The following KLF13 variants were observed in gnomAD, a reference collection of about 807,000 sequenced individuals.
The protein encoded by KLF13 is Krueppel-like factor 13.
Under a neutral mutation model 16.7 loss-of-function variants are expected in KLF13, and 8 were observed. The ratio of observed to expected loss-of-function variants is 0.48; its 90% CI spans 0.28 to 0.87. The LOEUF (loss-of-function observed/expected upper bound fraction) is 0.87. Among genes scored for constraint, KLF13 ranks in the 40% least tolerant of loss-of-function variants. The probability of loss-of-function intolerance (pLI) is 0.10; values close to 1 mark genes in which losing one functional copy is unlikely to be tolerated. For missense variants in KLF13, 447 were observed against 452.2 expected (o/e 0.99, Z 0.10); for synonymous variants, 245 against 208.4 (o/e 1.18, Z -1.51).
At chr15:31,432,342 C>T (rs1181369759) in intron 1 of KLF13, among the ~76,000 whole-genome samples, 1 of 152,070 alleles carries the variant, frequency 6.6e-6, no homozygotes, top group Non-Finnish European at 1.5e-5. Flanking sequence ...CGGGCCACAC[C>T]TTCTCCTATA....
chr15:31,401,333 C>G (rs1450061917), intron 2 of KLF13, among the ~76,000 whole-genome samples: 5 of 152,250 alleles, frequency 3.3e-5, no homozygotes, highest in African/African-American at 1.2e-4. Flanking sequence ...AAGTTACGCT[C>G]TTTTCACGAA....
At chr15:31,427,004 A>C (rs7166114) in intron 1 of KLF13, among the ~76,000 whole-genome samples, 1 of 152,234 alleles carries the variant, frequency 6.6e-6, no homozygotes, top group African/African-American at 2.4e-5. Context: ...GGTCCCCTGG[A>C]TTCTCAGGCC....
intron 1 of KLF13, among the ~76,000 whole-genome samples, chr15:31,414,759 A>C (rs2040235929): frequency 6.6e-6 from 1 of 152,234 alleles, no homozygotes; most frequent in South Asian, 2.1e-4. Flanking sequence ...TAGACATTTC[A>C]ATATCCTCTC....
At chr15:31,435,458 A>G (rs1026234448) in exon 2 of KLF13, 2 of 152,152 alleles carry the variant, frequency 1.3e-5, no homozygotes, top group African/African-American at 4.8e-5. Context: ...TCCGCCCCCT[A>G]GGGTCCAAGC....
At chr15:31,432,378 C>T (rs1417331250) in intron 1 of KLF13, among the ~76,000 whole-genome samples, 1 of 151,402 alleles carries the variant, frequency 6.6e-6, no homozygotes, top group Non-Finnish European at 1.5e-5. Context: ...TCTCTGTCTC[C>T]TTCCCTCCCT....
At chr15:31,423,451 G>A (rs1478602253) in intron 1 of KLF13, among the ~76,000 whole-genome samples, 1 of 151,794 alleles carries the variant, frequency 6.6e-6, no homozygotes, top group African/African-American at 2.4e-5. Flanking sequence ...GGCCAATATG[G>A]TGAAACCCCG....
chr15:31,427,986 G>A (rs2141013664), intron 1 of KLF13, among the ~76,000 whole-genome samples: 1 of 152,132 alleles, frequency 6.6e-6, no homozygotes, highest in East Asian at 1.9e-4. Context: ...GTGAAATTTG[G>A]GTGGGGACAC....
Position 31,372,004 on chromosome 15 carries a change from C to T in KLF13, c.578-6C>T. 3 of 1,598,060 alleles carry T rather than the reference C, an allele frequency of 1.9e-6. No homozygotes were observed. The highest frequency in any genetic ancestry group is 2.6e-6 in the Non-Finnish European group (3 of 1,172,890). On this transcript the variant is annotated splice_polypyrimidine_tract_variant and splice_region_variant and intron_variant, in intron 1 of 1. Coordinates refer to ENST00000307145, the MANE Select transcript of KLF13 (RefSeq NM_015995.4). ...GGATACTGATGCTCTGCCCCTGTGC[C>T]CACAGGTGAGAGGCCCTTCGCCTGC... is the stretch of plus-strand genomic sequence containing the variant.
At chr15:31,422,132 C>CG (rs2040334047) in intron 1 of KLF13, among the ~76,000 whole-genome samples, 1 of 77,830 alleles carries the variant, frequency 1.3e-5, no homozygotes, top group African/African-American at 7.5e-5. Flanking sequence ...AACAAACAAA[C>CG]AAAAAAAAAA....
intron 1 of KLF13, among the ~76,000 whole-genome samples, chr15:31,417,020 TTATCA>T (rs1384496411): frequency 6.6e-5 from 10 of 152,132 alleles, no homozygotes; most frequent in African/African-American, 2.4e-4. Flanking sequence ...TCGTGATTAG[TTATCA>T]TGAAAGTGGG....
Position 31,327,196 on chromosome 15 carries a change from CG to C in KLF13, c.-15del. The C allele has an allele frequency of 2.3e-6, 3 of 1,317,574 alleles. No homozygotes were observed. Among genetic ancestry groups the C allele is most frequent in the Non-Finnish European group, 2.9e-6 (3 of 1,035,714 alleles). 81.6% of individuals were successfully genotyped at this position (1,317,574 alleles called of 1,614,324 possible). On this transcript the variant is annotated 5_prime_UTR_variant, in exon 1 of 2. Coordinates refer to ENST00000307145, the MANE Select transcript of KLF13 (RefSeq NM_015995.4). ...CGACTCGCAGCAAGAGCACCGCCGCCGGCCCCAGCCCGCAGCATGGCAGCCG... is the reference window on the plus strand; with the variant it reads ...CGACTCGCAGCAAGAGCACCGCCGCCGCCCCAGCCCGCAGCATGGCAGCCG...
At chr15:31,378,818 C>G (rs569454225), downstream of KLF13, among the ~76,000 whole-genome samples, 8 of 152,168 alleles carry the variant, frequency 5.3e-5, no homozygotes, top group South Asian at 2.1e-4. Context: ...CTCTCAGGTT[C>G]GAACGATTCT....
intron 1 of KLF13, among the ~76,000 whole-genome samples, chr15:31,329,320 G>T (rs1237295224): frequency 1.3e-5 from 2 of 148,600 alleles, no homozygotes; most frequent in African/African-American, 5.0e-5. Flanking sequence ...GGTGGATCCT[G>T]AGTATCGGGT....
exon 3 of KLF13, chr15:31,404,702 C>T (rs1278237300): frequency 6.6e-6 from 1 of 152,300 alleles, no homozygotes; most frequent in African/African-American, 2.4e-5. Flanking sequence ...TGTTATTTTG[C>T]TCTTGGCAAT....
chr15:31,427,266 A>G (rs1383336584), intron 1 of KLF13, among the ~76,000 whole-genome samples: 1 of 152,204 alleles, frequency 6.6e-6, no homozygotes, highest in East Asian at 1.9e-4. Context: ...GTCATCAGAA[A>G]AATGCAAATG....
chr15:31,424,905 A>ACACACAC (rs1555383520), intron 1 of KLF13, among the ~76,000 whole-genome samples: 3 of 151,442 alleles, frequency 2.0e-5, no homozygotes, highest in Non-Finnish European at 2.9e-5. Context: ...ACACACACAC[A>ACACACAC]AAGCTCTTAG....
At chr15:31,387,031 C>A (rs1456595980) in intron 1 of KLF13, among the ~76,000 whole-genome samples, 1 of 152,214 alleles carries the variant, frequency 6.6e-6, no homozygotes, top group Non-Finnish European at 1.5e-5. Context: ...ACAGTGGTTT[C>A]TTGAGATGGA....
At chr15:31,393,869 G>A (rs2039912729) in intron 2 of KLF13, among the ~76,000 whole-genome samples, 1 of 152,142 alleles carries the variant, frequency 6.6e-6, no homozygotes, top group Non-Finnish European at 1.5e-5. Flanking sequence ...GGAGGGCACC[G>A]GGTCGGGCTT....
At chr15:31,410,818 G>A (rs550470233) in intron 1 of KLF13, among the ~76,000 whole-genome samples, 7 of 152,066 alleles carry the variant, frequency 4.6e-5, no homozygotes, top group Non-Finnish European at 8.8e-5. Context: ...TACACAATTA[G>A]GCTGTAGATC....
Sources: gnomAD v4.1 joint callset for allele counts (sites outside exome capture counted in the v4.1 genomes callset) on GRCh38, gnomAD v4.1.1 for gene constraint, MANE v1.5 for transcripts, NCBI Gene and HGNC (gene_info 2026-07-23, HGNC 2026-07-21) for gene names.